The following NTRK1 variants were observed in gnomAD, a reference collection of about 807,000 sequenced individuals.
The protein encoded by NTRK1 is neurotrophic receptor tyrosine kinase 1.
NTRK1 carries 62 observed loss-of-function variants against 86.8 expected under a neutral mutation model. The observed-to-expected ratio is 0.71, with a 90% CI of 0.58 to 0.88. The LOEUF (loss-of-function observed/expected upper bound fraction) is 0.88, where lower values mean the gene tolerates loss of function less well. Ranked by LOEUF, NTRK1 falls within the 40% of genes least tolerant of loss-of-function variation. NTRK1 has a pLI of 0.00. For synonymous variants in NTRK1, 469 were observed against 456.6 expected (o/e 1.03, Z -0.35); for missense variants, 967 against 1,078.4 (o/e 0.90, Z 1.45).
chr1:156,868,799 G>A (rs1647343645), intron 6 of NTRK1, 152 bp downstream of exon 6: 2 of 1,289,012 alleles, frequency 1.6e-6, no homozygotes, highest in Non-Finnish European at 2.1e-6. Context: ...AGACCCACAG[G>A]GCTCAGGCCT....
chr1:156,842,035 G>A (rs765290647), intron 1 of NTRK1: 21 of 1,597,568 alleles, frequency 1.3e-5, no homozygotes, highest in East Asian at 4.5e-5. Flanking sequence ...GACCAGGGCT[G>A]TGGGTCTCCT....
chr1:156,859,173 A>AC (rs1344983037), upstream of NTRK1, among the ~76,000 whole-genome samples: 2 of 151,638 alleles, frequency 1.3e-5, no homozygotes, highest in East Asian at 3.9e-4. The surrounding 1 kb of genome is among the most constrained non-coding windows in gnomAD (Gnocchi z 6.2). Flanking sequence ...CCCCGCCTAA[A>AC]CAGATTGGTT....
At chr1:156,862,213 G>A (rs1338536617) in intron 1 of NTRK1, among the ~76,000 whole-genome samples, 1 of 152,184 alleles carries the variant, frequency 6.6e-6, no homozygotes, top group Non-Finnish European at 1.5e-5. Flanking sequence ...TTGGCACTGA[G>A]TTCCTTGGGT....
At chr1:156,863,688 G>C (rs1655790057) in intron 1 of NTRK1, among the ~76,000 whole-genome samples, 2 of 150,878 alleles carry the variant, frequency 1.3e-5, no homozygotes. Context: ...GTGTATGTCT[G>C]TGTGTGTGTG....
rs1048225104 is a variant in NTRK1 at position 156,854,227 on chromosome 1, G to T, written c.51-10127G>T. The stretch of plus-strand genomic sequence containing the variant: ...CTGTGAACATGAGCAGGATCTGCAG[G>T]TGGCCCTCCACCACGCTGCAGTTCT... On this transcript the variant is annotated intron_variant, in intron 2 of 16. Coordinates refer to the NTRK1 transcript ENST00000392302. The surrounding 1 kb of genome is among the most constrained non-coding windows in gnomAD (Gnocchi z 4.2). 6.2e-7 allele frequency: 1 copy of T among 1,613,830 alleles called. No individual in the cohort carries two copies. Among genetic ancestry groups the T allele is most frequent in the African/African-American group, 1.3e-5 (1 of 74,946 alleles).
chr1:156,856,360 T>C (rs1409718944), upstream of NTRK1, among the ~76,000 whole-genome samples: 3 of 152,198 alleles, frequency 2.0e-5, no homozygotes, highest in Non-Finnish European at 4.4e-5. Flanking sequence ...AGGTCCCATG[T>C]CTCTCCCAGT....
At chr1:156,841,163 C>T in intron 1 of NTRK1, 3 of 1,318,130 alleles carry the variant, frequency 2.3e-6, no homozygotes, top group South Asian at 2.5e-5. Context: ...CGCTCTCAGC[C>T]TCCTGCACTG....
intron 6 of NTRK1, among the ~76,000 whole-genome samples, chr1:156,871,408 A>T (rs990750504): frequency 3.4e-5 from 5 of 148,764 alleles, no homozygotes; most frequent in South Asian, 2.1e-4. Context: ...AACATAAAAT[A>T]AAAAAAAAAT....
At chr1:156,873,568 G>A (rs1467925018) in intron 7 of NTRK1, 65 bp from the exon 8 acceptor site, 8 of 1,401,912 alleles carry the variant, frequency 5.7e-6, no homozygotes, top group Non-Finnish European at 6.9e-6. Context: ...TGGACTTGTC[G>A]GGTGTGTGCC....
intron 2 of NTRK1, chr1:156,849,063 G>A: frequency 1.2e-6 from 2 of 1,609,596 alleles, no homozygotes; most frequent in Non-Finnish European, 1.7e-6. Context: ...TGGGGCGAGG[G>A]GCCTGCTCGC....
In NTRK1 at chr1:156,864,433, G is replaced by A. The variant is rs1310600616; in HGVS notation, c.287+5G>A. 1.2e-6 allele frequency: 2 copies of A among 1,613,144 alleles called. No homozygotes were observed. Among genetic ancestry groups the A allele is most frequent in the Non-Finnish European group, 8.5e-7 (1 of 1,179,312 alleles). On this transcript the variant is annotated splice_donor_5th_base_variant and intron_variant, in intron 2 of 16. Transcript: ENST00000524377. ...CCTGGGGGAGCTGAGAAACCTGTGA[G>A]GGAAACGGGGACTGTGGGTGTGGAG...
chr1:156,852,040 C>T lies in NTRK1; in HGVS notation c.50+9847C>T, dbSNP rs138142163. On this transcript the variant is annotated intron_variant, in intron 2 of 16. Coordinates refer to the NTRK1 transcript ENST00000392302. The stretch of plus-strand genomic sequence containing the variant: ...AGGACTCATACTGGTAGGTGCCTGG[C>T]GGGCAGGCCCACAGGCAGGCACCCT... 780 of 1,613,400 alleles carry T rather than the reference C, an allele frequency of 4.8e-4. 6 individuals carry two copies. The African/African-American group carries it at 7.1e-3, about 15-fold the overall frequency.
At position 156,861,029 on chromosome 1, in the gene NTRK1, G is replaced by A. The variant is rs1343765351; in HGVS notation, c.95G>A (p.Gly32Asp). The change falls in exon 1 of 17, where the codon GGC (glycine) becomes GAC (aspartate). Residue 32 changes from glycine to aspartate, a missense_variant. Coordinates refer to ENST00000524377, the MANE Select transcript of NTRK1 (RefSeq NM_002529.4). Reference sequence around the variant, plus strand: ...GCTTGGCTGATACTGGCATCTGCGGGCGCCGCACCCTGCCCCGATGCCTGC... The same window carrying A: ...GCTTGGCTGATACTGGCATCTGCGGACGCCGCACCCTGCCCCGATGCCTGC... ...LLAWLILASA[G>D]AAPCPDACCP... 6.5e-7 allele frequency: 1 copy of A among 1,544,412 alleles called. No homozygotes were observed. Among genetic ancestry groups the A allele is most frequent in the South Asian group, 1.2e-5 (1 of 84,630 alleles).
chr1:156,846,204 C>CAA (rs1199227886), intron 2 of NTRK1: 2 of 1,372,898 alleles, frequency 1.5e-6, no homozygotes, highest in Non-Finnish European at 2.0e-6. Flanking sequence ...TTCTGGGGTC[C>CAA]AACAGCCTTG....
rs545467563 is a variant in NTRK1 at position 156,849,624 on chromosome 1, T to C, written c.50+7431T>C. On this transcript the variant is annotated intron_variant, in intron 2 of 16. Transcript: ENST00000392302. Reference sequence around the variant, plus strand: ...ACCGGGGGCATTCGTGCATACCCACTCTGTGCCACTGACCAGGAGTATGAT... The same window carrying C: ...ACCGGGGGCATTCGTGCATACCCACCCTGTGCCACTGACCAGGAGTATGAT... Among the ~76,000 whole-genome samples the C allele has an allele frequency of 3.9e-5, 6 of 152,278 alleles. No individual in the cohort carries two copies. In the East Asian group the frequency reaches 1.2e-3, roughly 29 times the overall value.
At chr1:156,864,231 C>A (rs918460324) in intron 1 of NTRK1, 123 bp from the exon 2 acceptor site, 3 of 877,700 alleles carry the variant, frequency 3.4e-6, no homozygotes, top group Non-Finnish European at 5.7e-6. Context: ...GTATGCAGGT[C>A]TGAACAGGTG....
chr1:156,863,388 C>A (rs1044234355), intron 1 of NTRK1, among the ~76,000 whole-genome samples: 15 of 152,070 alleles, frequency 9.9e-5, no homozygotes, highest in Non-Finnish European at 2.2e-4. Context: ...CCCCACCCTC[C>A]TCGTTGAGCC....
At chr1:156,861,244 C>A in intron 1 of NTRK1, 98 bp downstream of exon 1, 11 of 1,387,966 alleles carry the variant, frequency 7.9e-6, no homozygotes, top group Non-Finnish European at 1.1e-5. Flanking sequence ...TCAGGCAGGA[C>A]GAGCACGGCG....
At chr1:156,866,811 G>A (rs1655954864) in intron 3 of NTRK1, 99 bp from the exon 4 acceptor site, 1 of 1,302,932 alleles carries the variant, frequency 7.7e-7, no homozygotes, top group Admixed American at 1.7e-5. Flanking sequence ...GGGGGAGCCA[G>A]ATGTCAACTT....
Sources: allele counts gnomAD v4.1 joint callset (sites outside exome capture counted in the v4.1 genomes callset), GRCh38; gene constraint gnomAD v4.1.1; non-coding constraint Gnocchi (gnomAD v3.1); transcripts MANE v1.5; gene names NCBI Gene and HGNC (gene_info 2026-07-23, HGNC 2026-07-21).